PRKG2: variants seen among roughly 807,000 people sequenced by gnomAD.
PRKG2 encodes the protein protein kinase cGMP-dependent 2, also known as cGMP-dependent protein kinase 2.
In PRKG2, 33 loss-of-function variants were observed where a neutral mutation model predicts 97.2. That is an observed-to-expected ratio of 0.34 (90% CI 0.26 to 0.45). PRKG2 has a LOEUF of 0.45. Among genes scored for constraint, PRKG2 ranks in the 20% least tolerant of loss-of-function variants. The pLI is 1.00. For missense variants in PRKG2, 638 were observed against 900.0 expected (o/e 0.71, Z 3.73); for synonymous variants, 330 against 321.8 (o/e 1.03, Z -0.27).
intron 13 of PRKG2, among the ~76,000 whole-genome samples, chr4:81,136,614 C>T (rs1746726502): frequency 6.6e-6 from 1 of 152,168 alleles, no homozygotes; most frequent in Admixed American, 6.5e-5. Flanking sequence ...CCCTGCCTCT[C>T]TGCCTTTCCA....
chr4:81,212,531 T>G (rs928097883), intron 1 of PRKG2, among the ~76,000 whole-genome samples: 2 of 152,162 alleles, frequency 1.3e-5, no homozygotes, highest in African/African-American at 4.8e-5. Flanking sequence ...GTAATGTCAT[T>G]GACCAAAATG....
rs566198089 is a variant in PRKG2, at chr4:81,157,546, T to C, written c.913-3825A>G. 1.8e-3 allele frequency among the ~76,000 whole-genome samples: 268 copies of C among 152,244 alleles called. 1 individual carries two copies. The highest frequency in any genetic ancestry group is 6.0e-3 in the African/African-American group (248 of 41,526). On this transcript the variant is annotated intron_variant, in intron 6 of 18. Transcript: ENST00000264399. ...TTCCTTCTGAAACTATTCCAGTCCA[T>C]AGAAAAAGAGGGAATCCTCCCTAAC...
At chr4:81,207,019 T>A (rs1202716414) in intron 1 of PRKG2, among the ~76,000 whole-genome samples, 1 of 152,228 alleles carries the variant, frequency 6.6e-6, no homozygotes, top group Non-Finnish European at 1.5e-5. Flanking sequence ...GTTTAACCTT[T>A]AAGTTTCTGT....
intron 1 of PRKG2, among the ~76,000 whole-genome samples, chr4:81,207,098 A>G (rs1753722401): frequency 6.6e-6 from 1 of 152,214 alleles, no homozygotes; most frequent in South Asian, 2.1e-4. Context: ...CTAGAATTCA[A>G]AGAAGTAGCC....
At chr4:81,177,235 T>G (rs564809742) in intron 2 of PRKG2, among the ~76,000 whole-genome samples, 2 of 152,178 alleles carry the variant, frequency 1.3e-5, no homozygotes, top group African/African-American at 4.8e-5. Context: ...TAAAATGTCA[T>G]TAAGCACTTA....
At chr4:81,140,817 A>G in intron 11 of PRKG2, 148 bp from the exon 12 acceptor site, 1 of 570,590 alleles carries the variant, frequency 1.8e-6, no homozygotes, top group Non-Finnish European at 2.9e-6. Flanking sequence ...AAGTGTACAC[A>G]CTTCCCTTTC....
chr4:81,180,534 T>C (rs1331248505), intron 2 of PRKG2, among the ~76,000 whole-genome samples: 1 of 152,152 alleles, frequency 6.6e-6, no homozygotes, highest in African/African-American at 2.4e-5. Context: ...TTTCTAGAAA[T>C]ACAGAGGAAT....
At chr4:81,176,397 TA>T (rs920145444) in intron 2 of PRKG2, among the ~76,000 whole-genome samples, 89 of 151,668 alleles carry the variant, frequency 5.9e-4, no homozygotes, top group African/African-American at 2.0e-3. Flanking sequence ...TTATTCTTGC[TA>T]AAAAAAAATT....
At chr4:81,134,785 T>C (rs1045253910) in intron 14 of PRKG2, among the ~76,000 whole-genome samples, 2 of 152,166 alleles carry the variant, frequency 1.3e-5, no homozygotes, top group African/African-American at 4.8e-5. Context: ...AGTGGATATC[T>C]TGGGGTAGAA....
intron 17 of PRKG2, among the ~76,000 whole-genome samples, chr4:81,095,300 T>A (rs1482022276): frequency 6.6e-6 from 1 of 152,176 alleles, no homozygotes; most frequent in Non-Finnish European, 1.5e-5. Context: ...CTGTTTTATA[T>A]CCCTCCTCTG....
intron 9 of PRKG2, 43 bp downstream of exon 9, chr4:81,148,840 CA>C: frequency 1.3e-6 from 2 of 1,555,280 alleles, no homozygotes; most frequent in Non-Finnish European, 1.8e-6. Context: ...GCCAAGTCTT[CA>C]AAGGTGGCAG....
intron 6 of PRKG2, among the ~76,000 whole-genome samples, chr4:81,165,546 C>G (rs972486548): frequency 6.6e-6 from 1 of 151,070 alleles, no homozygotes; most frequent in South Asian, 2.1e-4. Flanking sequence ...CATTTCTTAG[C>G]GCTAAATAGA....
intron 18 of PRKG2, among the ~76,000 whole-genome samples, chr4:81,091,951 A>G (rs1290243352): frequency 6.6e-6 from 1 of 152,180 alleles, no homozygotes; most frequent in East Asian, 1.9e-4. Flanking sequence ...AATAAACATA[A>G]CCTATCTCAC....
At chr4:81,099,570 A>G (rs949947923) in intron 17 of PRKG2, among the ~76,000 whole-genome samples, 1 of 152,208 alleles carries the variant, frequency 6.6e-6, no homozygotes, top group Non-Finnish European at 1.5e-5. Flanking sequence ...TCTCAAAATA[A>G]TAAGAGCTAT....
intron 2 of PRKG2, among the ~76,000 whole-genome samples, chr4:81,185,374 A>G (rs1303215722): frequency 1.3e-5 from 2 of 152,018 alleles, no homozygotes; most frequent in Non-Finnish European, 2.9e-5. Context: ...ATCCAGCCAA[A>G]CTAAGCTTTA....
At chr4:81,193,311 ACTTACTAACTGCGGAAC>A (rs1266690835) in intron 2 of PRKG2, 1 of 152,200 alleles carries the variant, frequency 6.6e-6, no homozygotes. Flanking sequence ...AACTTCTGCC[ACTTACTAACTGCGGAAC>A]CTTAGGCAAG....
intron 14 of PRKG2, among the ~76,000 whole-genome samples, chr4:81,131,158 A>ACACCTGCCTTCTGCATTGATCTCGC (rs1560564437): frequency 1.3e-5 from 2 of 152,078 alleles, no homozygotes; most frequent in Admixed American, 6.5e-5. Context: ...TGCAAGGACC[A>ACACCTGCCTTCTGCATTGATCTCGC]TGGGAAAAGC....
At chr4:81,111,182 C>T (rs906096154) in intron 14 of PRKG2, among the ~76,000 whole-genome samples, 4 of 152,102 alleles carry the variant, frequency 2.6e-5, no homozygotes, top group East Asian at 1.9e-4. Context: ...TTTTGGCAGT[C>T]GAAAGCAAAG....
At chr4:81,213,926 G>A (rs1754135025) in intron 1 of PRKG2, among the ~76,000 whole-genome samples, 3 of 152,014 alleles carry the variant, frequency 2.0e-5, no homozygotes, top group Non-Finnish European at 4.4e-5. Flanking sequence ...GCGTTCCAAC[G>A]GAGAGGATGC....
Sources: allele counts gnomAD v4.1 joint callset (sites outside exome capture counted in the v4.1 genomes callset), GRCh38; gene constraint gnomAD v4.1.1; transcripts MANE v1.5; gene names NCBI Gene and HGNC (gene_info 2026-07-23, HGNC 2026-07-21).